Variants in CS observed in about 807,000 individuals in gnomAD.
CS encodes citrate synthase, mitochondrial.
A neutral mutation model predicts 61.4 loss-of-function variants in CS; 13 were observed. The ratio of observed to expected loss-of-function variants is 0.21; its 90% CI spans 0.14 to 0.34. The LOEUF is 0.34. Among genes scored for constraint, CS ranks in the 10% least tolerant of loss-of-function variants. The probability of loss-of-function intolerance (pLI) is 1.00; values close to 1 mark genes in which losing one functional copy is unlikely to be tolerated. For synonymous variants in CS, 159 were observed against 215.2 expected (o/e 0.74, Z 2.29); for missense variants, 278 against 573.4 (o/e 0.48, Z 5.26).
At chr12:56,289,203 C>T (rs1873037402) in intron 1 of CS, among the ~76,000 whole-genome samples, 1 of 152,160 alleles carries the variant, frequency 6.6e-6, no homozygotes, top group South Asian at 2.1e-4. Context: ...GGAAGCTGAA[C>T]CCAGCACTGA....
At chr12:56,276,305 T>C in intron 6 of CS, 110 bp from the exon 7 acceptor site, 1 of 902,190 alleles carries the variant, frequency 1.1e-6, no homozygotes, top group Middle Eastern at 2.4e-4. Flanking sequence ...GGTTGATGGT[T>C]AGTTATATGA....
chr12:56,286,318 A>G (rs1565622027), intron 2 of CS: 1 of 530,310 alleles, frequency 1.9e-6, no homozygotes, highest in Non-Finnish European at 3.3e-6. Flanking sequence ...AAAAATGATT[A>G]AAATGGTAAA....
chr12:56,277,402 G>A (rs1872652849), intron 6 of CS, among the ~76,000 whole-genome samples: 1 of 151,564 alleles, frequency 6.6e-6, no homozygotes, highest in African/African-American at 2.4e-5. Context: ...GGGAGGCTGA[G>A]GCAGGAGAAT....
intron 1 of CS, chr12:56,299,950 C>T (rs191701765): frequency 3.3e-5 from 17 of 508,416 alleles, no homozygotes; most frequent in African/African-American, 3.3e-4. Flanking sequence ...GGGCCGAGGG[C>T]GGGCGGCGTG....
At chr12:56,277,793 C>G (rs925156533) in intron 6 of CS, among the ~76,000 whole-genome samples, 1 of 151,244 alleles carries the variant, frequency 6.6e-6, no homozygotes, top group African/African-American at 2.4e-5. Flanking sequence ...CCATGCCTGG[C>G]TTAATTTTGT....
At chr12:56,291,169 C>A in intron 1 of CS, 1 of 961,512 alleles carries the variant, frequency 1.0e-6, no homozygotes, top group Non-Finnish European at 1.4e-6. Context: ...TTGTGCATAG[C>A]TGAATTCAGT....
intron 1 of CS, among the ~76,000 whole-genome samples, chr12:56,293,247 C>G (rs1873189309): frequency 6.6e-6 from 1 of 152,208 alleles, no homozygotes; most frequent in South Asian, 2.1e-4. Context: ...GATTCTCCAT[C>G]CTAGGTACAT....
At chr12:56,287,509 A>AAGAG (rs1565622362) in intron 1 of CS, among the ~76,000 whole-genome samples, 1 of 145,440 alleles carries the variant, frequency 6.9e-6, no homozygotes, top group Non-Finnish European at 1.5e-5. Flanking sequence ...AAAAAAAAAA[A>AAGAG]AGAGAGAGAG....
rs1186309863 is a variant in CS, at chr12:56,272,034, G to A, written c.*1050C>T. On this transcript the variant is annotated 3_prime_UTR_variant, in exon 11 of 11. Coordinates refer to ENST00000351328, the MANE Select transcript of CS (RefSeq NM_004077.3). The stretch of plus-strand genomic sequence containing the variant: ...GAGGCAATTTCTTGAGGCAGGGGAC[G>A]AGGAGGGAGGCTTACTATTTTTAAT... 5.0e-6 allele frequency: 2 copies of A among 398,004 alleles called. No individual in the cohort carries two copies. The highest frequency in any genetic ancestry group is 3.7e-5 in the South Asian group (2 of 54,086). The allele number at this position is 398,004 out of a possible 1,614,324, so 24.7% of individuals were successfully genotyped here.
intron 1 of CS, among the ~76,000 whole-genome samples, chr12:56,295,645 T>C (rs1164375319): frequency 1.3e-5 from 2 of 151,970 alleles, no homozygotes; most frequent in South Asian, 2.1e-4. Context: ...ATTCCCTTAC[T>C]TCTGCTAGAA....
In CS at chr12:56,275,139, GAAGT is replaced by G; in HGVS notation, c.789-12_789-9del. 4 of 1,614,074 alleles carry G rather than the reference GAAGT, an allele frequency of 2.5e-6. No individual in the cohort carries two copies. Among genetic ancestry groups the G allele is most frequent in the Non-Finnish European group, 3.4e-6 (4 of 1,179,990 alleles). The stretch of plus-strand genomic sequence containing the variant: ...TTGCCACCCTCATGGTCACTGTGGG[GAAGT>G]AAGAAGGGAGAGCCAAGGGAAGAAA... On this transcript the variant is annotated splice_polypyrimidine_tract_variant and intron_variant, in intron 7 of 10. Coordinates refer to ENST00000351328, the MANE Select transcript of CS (RefSeq NM_004077.3).
chr12:56,300,280 A>C lies in CS; in HGVS notation c.-79T>G. Reference sequence around the variant, plus strand: ...CAGGAACAGGAGCCGCCGCCGCTGCACCAGAGGCCGCGCCGACGGGTTGAC... The same window carrying C: ...CAGGAACAGGAGCCGCCGCCGCTGCCCCAGAGGCCGCGCCGACGGGTTGAC... On this transcript the variant is annotated 5_prime_UTR_variant, in exon 1 of 11. Transcript: ENST00000351328. The C allele has an allele frequency of 1.4e-6, 2 of 1,434,762 alleles. No individual in the cohort carries two copies. The highest frequency in any genetic ancestry group is 2.5e-5 in the South Asian group (2 of 80,622). 88.9% of individuals were successfully genotyped at this position (1,434,762 alleles called of 1,614,324 possible).
At chr12:56,280,440 A>ACAC (rs1317444684) in intron 6 of CS, among the ~76,000 whole-genome samples, 3 of 119,848 alleles carry the variant, frequency 2.5e-5, no homozygotes, top group Non-Finnish European at 3.4e-5. Context: ...AAAAAAAACA[A>ACAC]AAAAATTAGC....
chr12:56,298,190 G>C (rs759439367), intron 1 of CS, among the ~76,000 whole-genome samples: 12 of 151,960 alleles, frequency 7.9e-5, no homozygotes, highest in African/African-American at 1.5e-4. Flanking sequence ...TAGAGATGAG[G>C]TTTCTCCATG....
At chr12:56,299,724 G>C (rs1380151397) in intron 1 of CS, 2 of 162,286 alleles carry the variant, frequency 1.2e-5, no homozygotes, top group African/African-American at 4.8e-5. Context: ...ACAAAGCAGA[G>C]GACGAAATTA....
chr12:56,277,202 T>TA (rs5798367), intron 6 of CS, among the ~76,000 whole-genome samples: 12 of 138,794 alleles, frequency 8.6e-5, no homozygotes, highest in African/African-American at 2.5e-4. Flanking sequence ...AGACTCTGTC[T>TA]AAAAAAAAAA....
In CS at chr12:56,295,444, C is replaced by G. The variant is rs1458663038; in HGVS notation, c.42+4716G>C. 2.0e-5 allele frequency among the ~76,000 whole-genome samples: 3 copies of G among 151,732 alleles called. No individual in the cohort carries two copies. In the South Asian group the frequency reaches 6.3e-4, roughly 32 times the overall value. On this transcript the variant is annotated intron_variant, in intron 1 of 10. Transcript: ENST00000351328. ...GCTGAGGCAGGAGAATAGCTTGAAC[C>G]CGGGAGGCAGAGGTTGCAGTGAGCC... is the stretch of plus-strand genomic sequence containing the variant.
At chr12:56,283,769 T>A in intron 4 of CS, 23 bp downstream of exon 4, 1 of 1,576,254 alleles carries the variant, frequency 6.3e-7, no homozygotes. Context: ...TGATTATTAG[T>A]AATTGACATG....
rs1368363501 is a variant in CS at position 56,276,034 on chromosome 12, C to G, written c.750G>C (p.Gln250His). 4 of 1,614,160 alleles carry G rather than the reference C, an allele frequency of 2.5e-6. No homozygotes were observed. Among genetic ancestry groups the G allele is most frequent in the Non-Finnish European group, 3.4e-6 (4 of 1,180,026 alleles). ...FTNMLGYTDHQFTELTRLYLT... is the reference protein window; with the variant it reads ...FTNMLGYTDHHFTELTRLYLT... Reference sequence around the variant, plus strand: ...GGTACAGGCGCGTGAGCTCAGTGAACTGATGATCAGTATAGCCTAACATGT... The same window carrying G: ...GGTACAGGCGCGTGAGCTCAGTGAAGTGATGATCAGTATAGCCTAACATGT... Residue 250 changes from glutamine to histidine, a missense_variant, in exon 7 of 11, where the codon CAG becomes CAC. Gln to His is a conservative substitution (Grantham distance 24, BLOSUM62 0). This residue lies in a region of CS where 223 missense variants were observed against 503.5 expected (regional missense o/e 0.44). Transcript: ENST00000351328.
Sources: allele counts gnomAD v4.1 joint callset (sites outside exome capture counted in the v4.1 genomes callset), GRCh38; gene constraint gnomAD v4.1.1; regional missense constraint gnomAD v4.1.1; transcripts MANE v1.5; gene names NCBI Gene and HGNC (gene_info 2026-07-23, HGNC 2026-07-21).